ARL6IP5: variants seen among roughly 807,000 people sequenced by gnomAD.
ARL6IP5 encodes the protein ARF like GTPase 6 interacting protein 5.
Under a neutral mutation model 13.0 loss-of-function variants are expected in ARL6IP5, and 6 were observed. The ratio of observed to expected loss-of-function variants is 0.46; its 90% CI spans 0.25 to 0.91. The LOEUF (loss-of-function observed/expected upper bound fraction) is 0.91, where lower values mean the gene tolerates loss of function less well. ARL6IP5 is among the 40% of genes least tolerant of loss of function. The pLI, the probability that ARL6IP5 is intolerant of heterozygous loss-of-function variation, is 0.17. For missense variants in ARL6IP5, 208 were observed against 248.8 expected (o/e 0.84, Z 1.10); for synonymous variants, 91 against 91.9 (o/e 0.99, Z 0.06).
chr3:69,101,874 T>A lies in ARL6IP5; in HGVS notation c.212T>A (p.Ile71Asn), dbSNP rs2092306517. Reference sequence around the variant, plus strand: ...CCCTTCAACATGATCCTGGGAGGAATCGTGGTGGTGCTGGTGTTCACAGGG... The same window carrying A: ...CCCTTCAACATGATCCTGGGAGGAAACGTGGTGGTGCTGGTGTTCACAGGG... The part of the protein sequence containing the change: ...LSPFNMILGG[I>N]VVVLVFTGFV... The change falls in exon 2 of 3, where the codon ATC (isoleucine) becomes AAC (asparagine). Residue 71 changes from isoleucine to asparagine, a missense_variant. Coordinates refer to ENST00000273258, the MANE Select transcript of ARL6IP5 (RefSeq NM_006407.4). The A allele has an allele frequency of 6.2e-7, 1 of 1,613,974 alleles. No individual in the cohort carries two copies. The highest frequency in any genetic ancestry group is 1.7e-5 in the Admixed American group (1 of 59,996).
At chr3:69,096,491 G>A (rs1346182246) in intron 1 of ARL6IP5, among the ~76,000 whole-genome samples, 1 of 151,694 alleles carries the variant, frequency 6.6e-6, no homozygotes, top group Non-Finnish European at 1.5e-5. Flanking sequence ...TTGATGCTTT[G>A]CTGCCAGCCA....
At chr3:69,094,984 C>T (rs965001704) in intron 1 of ARL6IP5, among the ~76,000 whole-genome samples, 29 of 152,136 alleles carry the variant, frequency 1.9e-4, no homozygotes, top group African/African-American at 7.0e-4. Context: ...CACTAATAGC[C>T]ACCTTGTTTC....
intron 2 of ARL6IP5, chr3:69,102,366 C>T (rs796715428): frequency 9.1e-5 from 32 of 352,566 alleles, no homozygotes; most frequent in South Asian, 2.6e-4. Flanking sequence ...GGTGTTATCT[C>T]GGCTTACTGC....
intron 2 of ARL6IP5, among the ~76,000 whole-genome samples, chr3:69,102,504 G>T (rs528528181): frequency 1.2e-3 from 185 of 152,178 alleles, no homozygotes; most frequent in African/African-American, 3.7e-3. Flanking sequence ...GAGTGATCTA[G>T]CTTCCTTGGA....
In ARL6IP5 at chr3:69,104,552, G is replaced by A. The variant is rs749163611; in HGVS notation, c.483G>A (p.Pro161=). The A allele has an allele frequency of 3.6e-5, 58 of 1,613,948 alleles. No individual in the cohort carries two copies. The highest frequency in any genetic ancestry group is 9.3e-5 in the African/African-American group (7 of 74,928). The change falls in exon 3 of 3, where the codon CCG becomes CCA. Residue 161 remains proline (P), a synonymous_variant. Transcript: ENST00000273258. ...KMEGIGLKRT[P]MGIVLDALEQ... ...AAGGAATAGGTTTGAAGAGGACACC[G>A]ATGGGCATTGTCCTGGATGCCCTAG...
At chr3:69,095,052 A>G (rs1214382639) in intron 1 of ARL6IP5, among the ~76,000 whole-genome samples, 1 of 152,206 alleles carries the variant, frequency 6.6e-6, no homozygotes, top group Non-Finnish European at 1.5e-5. Flanking sequence ...ATAGTAGGTT[A>G]CTTAGAGTGT....
At position 69,105,652 on chromosome 3, in the gene ARL6IP5, A is replaced by T. The variant is rs2092320199; in HGVS notation, c.*1016A>T. The T allele has an allele frequency of 6.6e-6, 1 of 152,242 alleles. No individual in the cohort carries two copies. Among genetic ancestry groups the T allele is most frequent in the African/African-American group, 2.4e-5 (1 of 41,462 alleles). 9.4% of individuals were successfully genotyped at this position (152,242 alleles called of 1,614,324 possible). A position where few individuals can be genotyped will look rare whatever the true frequency, so the allele number is the denominator to read the frequency against. ...ATGGAATGCAGCTACTGCAGCTAATAAAAAATTTTAGATAGCAATTGTTAC... is the reference window on the plus strand; with the variant it reads ...ATGGAATGCAGCTACTGCAGCTAATTAAAAATTTTAGATAGCAATTGTTAC... On this transcript the variant is annotated 3_prime_UTR_variant, in exon 3 of 3. Transcript: ENST00000273258.
chr3:69,084,937 G>T lies in ARL6IP5; in HGVS notation c.-111G>T. On this transcript the variant is annotated 5_prime_UTR_variant, in exon 1 of 3. Coordinates refer to ENST00000273258, the MANE Select transcript of ARL6IP5 (RefSeq NM_006407.4). ...TCCTTTGCTCTGCTGTCTGCCAACC[G>T]CAAAGCCGACCGAGACGGAGCCGCT... 1 of 1,396,624 alleles carries T rather than the reference G, an allele frequency of 7.2e-7. No homozygotes were observed. Among genetic ancestry groups the T allele is most frequent in the Non-Finnish European group, 9.6e-7 (1 of 1,036,490 alleles). The allele number at this position is 1,396,624 out of a possible 1,614,324, so 86.5% of individuals were successfully genotyped here.
At chr3:69,089,839 G>A (rs1363069888) in intron 1 of ARL6IP5, 1 of 456,518 alleles carries the variant, frequency 2.2e-6, no homozygotes, top group Non-Finnish European at 4.4e-6. Flanking sequence ...CTGAAGGAAT[G>A]AGCCCATGAT....
intron 1 of ARL6IP5, among the ~76,000 whole-genome samples, chr3:69,096,251 C>T (rs1276740636): frequency 6.6e-6 from 1 of 152,112 alleles, no homozygotes; most frequent in Non-Finnish European, 1.5e-5. Context: ...AGGCTCTGTT[C>T]TTTTCTCTTG....
chr3:69,102,002 T>A lies in ARL6IP5; in HGVS notation c.340T>A (p.Ser114Thr). The A allele has an allele frequency of 4.3e-6, 7 of 1,614,158 alleles. No homozygotes were observed. The highest frequency in any genetic ancestry group is 5.9e-6 in the Non-Finnish European group (7 of 1,180,028). The change falls in exon 2 of 3, where the codon TCC (serine) becomes ACC (threonine). Residue 114 changes from serine (S) to threonine (T), a missense_variant. By Grantham distance (58) the Ser-to-Thr change is moderately conservative. Transcript: ENST00000273258. The stretch of plus-strand genomic sequence containing the variant: ...CATGTTGGCGAGCTATTTCCTTATC[T>A]CCATGTTTGGAGGAGTCATGGTCTT... ...VVMLASYFLI[S>T]MFGGVMVFVF...
intron 2 of ARL6IP5, 91 bp from the exon 3 acceptor site, chr3:69,104,373 T>C: frequency 7.5e-7 from 1 of 1,339,040 alleles, no homozygotes; most frequent in South Asian, 1.4e-5. Context: ...ACTAAGGCAG[T>C]TTACTAATAG....
At chr3:69,085,266 C>A in intron 1 of ARL6IP5, 43 bp downstream of exon 1, 1 of 1,580,466 alleles carries the variant, frequency 6.3e-7, no homozygotes, top group Non-Finnish European at 8.6e-7. Context: ...CCGGGGCGAG[C>A]ACGGAGGGGC....
chr3:69,099,639 T>C (rs1318836871), intron 1 of ARL6IP5, among the ~76,000 whole-genome samples: 1 of 152,254 alleles, frequency 6.6e-6, no homozygotes, highest in African/African-American at 2.4e-5. Context: ...AATATGAGCA[T>C]GAGTTCTTCA....
intron 1 of ARL6IP5, among the ~76,000 whole-genome samples, chr3:69,096,326 T>C (rs1336745371): frequency 6.6e-6 from 1 of 152,206 alleles, no homozygotes; most frequent in African/African-American, 2.4e-5. Flanking sequence ...GGATTTTTCA[T>C]TGTTCCTTGT....
intron 1 of ARL6IP5, among the ~76,000 whole-genome samples, chr3:69,091,797 CT>C (rs906371492): frequency 9.9e-5 from 15 of 151,924 alleles, no homozygotes; most frequent in Non-Finnish European, 2.2e-4. Flanking sequence ...TCCTGGCCCC[CT>C]GTCTTAGAAA....
chr3:69,103,593 A>G (rs942775713), intron 2 of ARL6IP5, among the ~76,000 whole-genome samples: 1 of 152,210 alleles, frequency 6.6e-6, no homozygotes, highest in Non-Finnish European at 1.5e-5. Flanking sequence ...AGATGAATCC[A>G]CATCAGGGTT....
At chr3:69,099,143 G>T (rs74432448) in intron 1 of ARL6IP5, among the ~76,000 whole-genome samples, 4 of 132,012 alleles carry the variant, frequency 3.0e-5, no homozygotes, top group South Asian at 2.8e-4. Context: ...GGGGGTGGGG[G>T]GTGGATCACA....
chr3:69,097,072 T>A (rs1353031467), intron 1 of ARL6IP5, among the ~76,000 whole-genome samples: 4 of 152,082 alleles, frequency 2.6e-5, no homozygotes, highest in Non-Finnish European at 4.4e-5. Flanking sequence ...TTGAAAAAAA[T>A]ATGAAAATAA....
Sources: gnomAD v4.1 joint callset for allele counts (sites outside exome capture counted in the v4.1 genomes callset) on GRCh38, gnomAD v4.1.1 for gene constraint, MANE v1.5 for transcripts, NCBI Gene and HGNC (gene_info 2026-07-23, HGNC 2026-07-21) for gene names.